The following CTNND2 variants were observed in gnomAD, a reference collection of about 807,000 sequenced individuals.
CTNND2 encodes the protein catenin delta-2.
In CTNND2, 22 loss-of-function variants were observed where a neutral mutation model predicts 144.4. The ratio of observed to expected loss-of-function variants is 0.15; its 90% CI spans 0.11 to 0.22. CTNND2 has a LOEUF of 0.22. CTNND2 is among the 10% of genes least tolerant of loss of function. CTNND2 has a pLI of 1.00. For synonymous variants in CTNND2, 751 were observed against 695.6 expected (o/e 1.08, Z -1.25); for missense variants, 1,353 against 1,618.8 (o/e 0.84, Z 2.82).
chr5:11,480,901 T>C (rs537055694), intron 3 of CTNND2, among the ~76,000 whole-genome samples: 1 of 152,142 alleles, frequency 6.6e-6, no homozygotes, highest in African/African-American at 2.4e-5. Context: ...TAGAGGGTAG[T>C]CACCCAAGAG....
chr5:11,537,784 C>A (rs562970105), intron 3 of CTNND2, among the ~76,000 whole-genome samples: 18 of 152,252 alleles, frequency 1.2e-4, no homozygotes, highest in African/African-American at 4.3e-4. Flanking sequence ...ATAAACGTAT[C>A]TTAGCATCAC....
intron 2 of CTNND2, among the ~76,000 whole-genome samples, chr5:11,576,675 G>T (rs995557383): frequency 3.9e-5 from 6 of 152,006 alleles, no homozygotes; most frequent in African/African-American, 1.5e-4. Flanking sequence ...GACACTTTCA[G>T]ATATTTTTAT....
chr5:11,408,269 C>A (rs1344606811), intron 5 of CTNND2, among the ~76,000 whole-genome samples: 1 of 152,082 alleles, frequency 6.6e-6, no homozygotes, highest in East Asian at 1.9e-4. Flanking sequence ...TATATATACA[C>A]AGAGCAATTT....
intron 16 of CTNND2, among the ~76,000 whole-genome samples, chr5:11,070,223 C>A (rs1022898020): frequency 2.0e-5 from 3 of 151,428 alleles, no homozygotes; most frequent in African/African-American, 7.3e-5. Context: ...AGATAATGGA[C>A]AACATGCATG....
At chr5:11,078,261 C>T (rs1332197006) in intron 16 of CTNND2, among the ~76,000 whole-genome samples, 1 of 152,206 alleles carries the variant, frequency 6.6e-6, no homozygotes, top group Non-Finnish European at 1.5e-5. Context: ...CATTTTCCTA[C>T]AAAAACCACT....
At position 11,017,517 on chromosome 5, in the gene CTNND2, A is replaced by G. The variant is rs147482027; in HGVS notation, c.3084+457T>C. ...GTTTGCAGTGGTTCTTGATTTCCTG[A>G]ATTACGTGCTCTGTTTCTCTCTTTC... On this transcript the variant is annotated intron_variant, in intron 18 of 21. Coordinates refer to ENST00000304623, the MANE Select transcript of CTNND2 (RefSeq NM_001332.4). Among the ~76,000 whole-genome samples the G allele has an allele frequency of 6.5e-4, 98 of 150,796 alleles. 1 individual carries two copies. The East Asian group carries it at 0.017, about 26-fold the overall frequency.
intron 15 of CTNND2, among the ~76,000 whole-genome samples, chr5:11,087,481 T>C (rs1325098154): frequency 6.6e-6 from 1 of 152,244 alleles, no homozygotes. Flanking sequence ...CTCTAGGATT[T>C]ATGAAATAAT....
chr5:11,118,789 C>T (rs1457503117), intron 12 of CTNND2, among the ~76,000 whole-genome samples: 1 of 152,156 alleles, frequency 6.6e-6, no homozygotes, highest in Admixed American at 6.5e-5. Context: ...TTCACAACAT[C>T]TTTTGCTGTT....
At chr5:11,594,272 T>A (rs1257854847) in intron 2 of CTNND2, among the ~76,000 whole-genome samples, 1 of 152,216 alleles carries the variant, frequency 6.6e-6, no homozygotes, top group Non-Finnish European at 1.5e-5. Context: ...CACATAACAG[T>A]GAGCAAGCTG....
At chr5:11,007,041 C>T (rs961821313) in intron 18 of CTNND2, among the ~76,000 whole-genome samples, 1 of 152,120 alleles carries the variant, frequency 6.6e-6, no homozygotes, top group African/African-American at 2.4e-5. Context: ...ATTGCTAAAA[C>T]GCATGCCACT....
At chr5:11,575,096 GAGA>G (rs1294230581) in intron 2 of CTNND2, among the ~76,000 whole-genome samples, 4 of 152,152 alleles carry the variant, frequency 2.6e-5, no homozygotes, top group Non-Finnish European at 5.9e-5. Flanking sequence ...CTCAGCACCT[GAGA>G]AGAATTGTCC....
intron 11 of CTNND2, among the ~76,000 whole-genome samples, chr5:11,193,913 C>T: frequency 6.6e-6 from 1 of 152,190 alleles, no homozygotes; most frequent in Non-Finnish European, 1.5e-5. Flanking sequence ...TCCAGCCTGG[C>T]TTCTGTCAGC....
chr5:11,881,669 T>C (rs779354979), intron 1 of CTNND2, among the ~76,000 whole-genome samples: 20 of 152,132 alleles, frequency 1.3e-4, no homozygotes, highest in Admixed American at 6.5e-5. Flanking sequence ...TGATATCATA[T>C]ATTGTTTATT....
chr5:11,699,637 A>C (rs1264752881), intron 2 of CTNND2, among the ~76,000 whole-genome samples: 1 of 152,218 alleles, frequency 6.6e-6, no homozygotes, highest in East Asian at 1.9e-4. Context: ...TTAAAGGACA[A>C]GAACATAAAG....
chr5:11,861,933 A>G (rs1280114656), intron 1 of CTNND2, among the ~76,000 whole-genome samples: 4 of 152,142 alleles, frequency 2.6e-5, no homozygotes, highest in African/African-American at 9.7e-5. Flanking sequence ...TATTAGCTCA[A>G]ATGATGTCTT....
At chr5:11,374,607 G>A (rs545908827) in intron 7 of CTNND2, among the ~76,000 whole-genome samples, 12 of 152,088 alleles carry the variant, frequency 7.9e-5, no homozygotes, top group African/African-American at 2.9e-4. Context: ...ATCAAGGAGG[G>A]GGATAAAATT....
intron 10 of CTNND2, among the ~76,000 whole-genome samples, chr5:11,208,186 T>C (rs752984197): frequency 2.0e-5 from 3 of 152,180 alleles, no homozygotes; most frequent in South Asian, 4.1e-4. Flanking sequence ...GAAAACGACA[T>C]GTATTTACTG....
chr5:11,135,126 G>T (rs1446664764), intron 12 of CTNND2, among the ~76,000 whole-genome samples: 1 of 152,026 alleles, frequency 6.6e-6, no homozygotes, highest in Non-Finnish European at 1.5e-5. Flanking sequence ...TGGCCACCCT[G>T]GGAATAACTA....
chr5:11,077,457 T>C (rs374505745), intron 16 of CTNND2, among the ~76,000 whole-genome samples: 38 of 152,260 alleles, frequency 2.5e-4, no homozygotes, highest in Middle Eastern at 6.8e-3. Flanking sequence ...CAAGTTCAAA[T>C]TCCCTGAGGC....
Sources: gnomAD v4.1 joint callset for allele counts (sites outside exome capture counted in the v4.1 genomes callset) on GRCh38, gnomAD v4.1.1 for gene constraint, MANE v1.5 for transcripts, NCBI Gene and HGNC (gene_info 2026-07-23, HGNC 2026-07-21) for gene names.